GPC1: variants seen among roughly 807,000 people sequenced by gnomAD.
GPC1 encodes glypican-1.
GPC1 carries 26 observed loss-of-function variants against 51.5 expected under a neutral mutation model. The ratio of observed to expected loss-of-function variants is 0.50; its 90% CI spans 0.37 to 0.70. The LOEUF (loss-of-function observed/expected upper bound fraction) is 0.70. Among genes scored for constraint, GPC1 ranks in the 30% least tolerant of loss-of-function variants. The probability of loss-of-function intolerance (pLI) is 0.00; values close to 1 mark genes in which losing one functional copy is unlikely to be tolerated. For synonymous variants in GPC1, 380 were observed against 348.3 expected, an observed-to-expected ratio of 1.09 and a Z score of -1.01; for missense variants, 775 against 800.5, an observed-to-expected ratio of 0.97 and a Z score of 0.38.
intron 1 of GPC1, chr2:240,451,710 C>T (rs1306407714): frequency 9.8e-6 from 2 of 203,432 alleles, no homozygotes; most frequent in Admixed American, 5.9e-5. Context: ...TCTGAGGCCA[C>T]AGCATGAGCC....
chr2:240,445,163 C>T (rs2074041073), intron 1 of GPC1, among the ~76,000 whole-genome samples: 3 of 152,218 alleles, frequency 2.0e-5, no homozygotes, highest in Admixed American at 1.3e-4. Context: ...CAGTCTCCCT[C>T]CTGTGGCCTC....
Position 240,436,052 on chromosome 2 carries a change from G to T in GPC1, c.134G>T (p.Ser45Ile). The change falls in exon 1 of 9, where the codon AGC becomes ATC. Residue 45 changes from serine (S) to isoleucine (I), a missense_variant. Transcript: ENST00000264039. The stretch of plus-strand genomic sequence containing the variant: ...CAGATCTACGGAGCCAAGGGCTTCA[G>T]CCTGAGCGACGTGCCCCAGGCGGAG... ...VRQIYGAKGFSLSDVPQAEIS... is the reference protein window; with the variant it reads ...VRQIYGAKGFILSDVPQAEIS... 1 of 1,342,546 alleles carries T rather than the reference G, an allele frequency of 7.4e-7. No individual in the cohort carries two copies. Among genetic ancestry groups the T allele is most frequent in the African/African-American group, 1.5e-5 (1 of 66,524 alleles). 83.2% of individuals were successfully genotyped at this position (1,342,546 alleles called of 1,614,324 possible). A position where few individuals can be genotyped will look rare whatever the true frequency, so the allele number is the denominator to read the frequency against.
intron 1 of GPC1, chr2:240,452,086 G>C (rs549175437): frequency 6.5e-6 from 1 of 153,414 alleles, no homozygotes; most frequent in Non-Finnish European, 1.4e-5. Flanking sequence ...TGTCTGGCTG[G>C]GTCAGCAGGC....
rs771498110 is a variant in GPC1, at chr2:240,465,158, G to T, written c.1216G>T (p.Ala406Ser). ...LPGTLCSEKM[A>S]LSTASDDRCW... ...AGGGACACTGTGCAGTGAGAAGATG[G>T]CCCTGAGCACTGCCAGTGATGACCG... Residue 406 changes from alanine to serine, a missense_variant, in exon 7 of 9, where the codon GCC becomes TCC. Transcript: ENST00000264039. 3 of 1,612,448 alleles carry T rather than the reference G, an allele frequency of 1.9e-6. No individual in the cohort carries two copies. Among genetic ancestry groups the T allele is most frequent in the Admixed American group, 3.3e-5 (2 of 59,966 alleles).
At chr2:240,444,546 G>A (rs914487372) in intron 1 of GPC1, among the ~76,000 whole-genome samples, 2 of 152,172 alleles carry the variant, frequency 1.3e-5, no homozygotes, top group Non-Finnish European at 2.9e-5. Context: ...ATGCAGCAGC[G>A]ACCGGATCCC....
intron 2 of GPC1, among the ~76,000 whole-genome samples, 183 bp from the exon 3 acceptor site, chr2:240,462,008 G>T (rs1215329110): frequency 6.6e-6 from 1 of 152,120 alleles, no homozygotes; most frequent in South Asian, 2.1e-4. Context: ...AGGCCAGGGG[G>T]TGAGGTCTCG....
chr2:240,452,960 C>A, intron 1 of GPC1: 2 of 340,514 alleles, frequency 5.9e-6, no homozygotes, highest in South Asian at 2.0e-5. Flanking sequence ...TTTCCCCGGC[C>A]CGAGCACCTG....
chr2:240,456,038 G>A (rs545070597), intron 1 of GPC1: 2 of 420,316 alleles, frequency 4.8e-6, no homozygotes, highest in South Asian at 1.7e-5. Context: ...CTTCACTCCC[G>A]TGCTTGTCCG....
intron 4 of GPC1, chr2:240,463,976 G>T (rs1476651001): frequency 4.6e-6 from 1 of 215,478 alleles, no homozygotes; most frequent in South Asian, 8.8e-5. Context: ...GGGCTGACCC[G>T]CATCAATGCC....
At chr2:240,450,284 C>T (rs2074085551) in intron 1 of GPC1, 9 of 329,860 alleles carry the variant, frequency 2.7e-5, no homozygotes, top group South Asian at 1.9e-4. Flanking sequence ...ACCGCCCAGA[C>T]CTCTCTGGGC....
chr2:240,439,910 C>G (rs956045236), intron 1 of GPC1, among the ~76,000 whole-genome samples: 7 of 152,224 alleles, frequency 4.6e-5, no homozygotes, highest in Non-Finnish European at 1.0e-4. Context: ...GAGCCCTGAT[C>G]CGACAGGGCC....
chr2:240,459,613 C>T (rs1036803427), intron 2 of GPC1, among the ~76,000 whole-genome samples: 7 of 152,202 alleles, frequency 4.6e-5, no homozygotes, highest in Non-Finnish European at 1.0e-4. Flanking sequence ...AGTGCAAGGG[C>T]TGAGACTGGG....
At chr2:240,441,339 C>T (rs572275052) in intron 1 of GPC1, among the ~76,000 whole-genome samples, 4 of 152,254 alleles carry the variant, frequency 2.6e-5, no homozygotes, top group Non-Finnish European at 5.9e-5. Flanking sequence ...GGGGCTCACC[C>T]GAAGCCACAC....
intron 2 of GPC1, among the ~76,000 whole-genome samples, chr2:240,460,492 T>TC (rs979300369): frequency 6.6e-6 from 1 of 152,028 alleles, no homozygotes; most frequent in Non-Finnish European, 1.5e-5. Context: ...CCCTGCCCCT[T>TC]CCCCTCTCCT....
chr2:240,454,516 C>G (rs1378821864), intron 1 of GPC1, among the ~76,000 whole-genome samples: 2 of 152,220 alleles, frequency 1.3e-5, no homozygotes, highest in East Asian at 3.9e-4. Context: ...GCCCCGTTGC[C>G]GGGTGCAGAG....
chr2:240,453,000 G>C (rs1297896891), intron 1 of GPC1: 1 of 350,506 alleles, frequency 2.9e-6, no homozygotes, highest in Non-Finnish European at 5.7e-6. Flanking sequence ...GCCCGGAGCC[G>C]CTGGAGCCGC....
intron 1 of GPC1, among the ~76,000 whole-genome samples, chr2:240,453,280 C>T (rs2074119369): frequency 1.1e-5 from 1 of 90,802 alleles, no homozygotes; most frequent in East Asian, 2.6e-4. Context: ...CCTACCCCTC[C>T]CGGGCCGCAT....
intron 1 of GPC1, among the ~76,000 whole-genome samples, chr2:240,445,883 G>A (rs368031971): frequency 4.6e-5 from 7 of 152,272 alleles, no homozygotes; most frequent in South Asian, 4.1e-4. Flanking sequence ...GGCCCGTTGC[G>A]GCTCCTGTGA....
At chr2:240,440,968 A>G (rs965752899) in intron 1 of GPC1, among the ~76,000 whole-genome samples, 7 of 152,266 alleles carry the variant, frequency 4.6e-5, no homozygotes, top group Non-Finnish European at 7.3e-5. Context: ...AGGGCAGACC[A>G]GCCACCCACA....
Sources: gnomAD v4.1 joint callset for allele counts (sites outside exome capture counted in the v4.1 genomes callset) on GRCh38, gnomAD v4.1.1 for gene constraint, MANE v1.5 for transcripts, NCBI Gene and HGNC (gene_info 2026-07-23, HGNC 2026-07-21) for gene names.